Variants in EVA1C observed in about 807,000 individuals in gnomAD.
EVA1C encodes the protein protein eva-1 homolog C.
EVA1C carries 25 observed loss-of-function variants against 45.4 expected under a neutral mutation model. The ratio of observed to expected loss-of-function variants is 0.55; its 90% CI spans 0.40 to 0.77. EVA1C has a LOEUF of 0.77. Among genes scored for constraint, EVA1C ranks in the 30% least tolerant of loss-of-function variants. The pLI is 0.00. For synonymous variants in EVA1C, 190 were observed against 221.2 expected (o/e 0.86, Z 1.25); for missense variants, 479 against 554.8 (o/e 0.86, Z 1.37).
chr21:32,513,491 A>G (rs1293377453), intron 7 of EVA1C, among the ~76,000 whole-genome samples: 1 of 141,808 alleles, frequency 7.1e-6, no homozygotes, highest in Non-Finnish European at 1.5e-5. Flanking sequence ...TACTTATTAT[A>G]TTATTAATAT....
intron 1 of EVA1C, among the ~76,000 whole-genome samples, chr21:32,442,893 G>A (rs571701525): frequency 6.6e-6 from 1 of 150,852 alleles, no homozygotes; most frequent in African/African-American, 2.4e-5. Context: ...CTTCAGAAAA[G>A]AAAGAGAGGA....
At chr21:32,495,252 T>C in intron 5 of EVA1C, 82 bp downstream of exon 5, 1 of 1,490,958 alleles carries the variant, frequency 6.7e-7, no homozygotes, top group Non-Finnish European at 9.2e-7. Flanking sequence ...GGCAGGAGTT[T>C]GCCCAGAACA....
At chr21:32,443,954 T>C (rs1437517186) in intron 1 of EVA1C, among the ~76,000 whole-genome samples, 2 of 151,956 alleles carry the variant, frequency 1.3e-5, no homozygotes, top group Admixed American at 1.3e-4. Context: ...CAAAGGTCTC[T>C]TATCCTCCAT....
At chr21:32,463,789 GA>G (rs11305869) in intron 3 of EVA1C, among the ~76,000 whole-genome samples, 58,868 of 148,888 alleles carry the variant, frequency 0.4, 12,008 homozygotes, top group East Asian at 0.49. Context: ...TATAAAAAAA[GA>G]AAAAAAAAAG....
At chr21:32,490,240 C>T (rs1055024960) in intron 4 of EVA1C, among the ~76,000 whole-genome samples, 3 of 152,124 alleles carry the variant, frequency 2.0e-5, no homozygotes, top group African/African-American at 7.2e-5. Context: ...ATTGCTCCCT[C>T]CCTTAGCTCC....
In EVA1C at chr21:32,498,440, A is replaced by G. The variant is rs1257380656; in HGVS notation, c.779-2975A>G. ...GGTGACAAGGGTGAAACTCTGTCTCAAAAAAAAAAAAAAAAAAGAGACATG... is the reference window on the plus strand; with the variant it reads ...GGTGACAAGGGTGAAACTCTGTCTCGAAAAAAAAAAAAAAAAAGAGACATG... On this transcript the variant is annotated intron_variant, in intron 5 of 7. Coordinates refer to ENST00000300255, the MANE Select transcript of EVA1C (RefSeq NM_058187.5). Among the ~76,000 whole-genome samples the G allele has an allele frequency of 2.8e-3, 273 of 95,812 alleles. 1 individual carries two copies. The highest frequency in any genetic ancestry group is 0.012 in the African/African-American group (250 of 21,302). 62.9% of individuals were successfully genotyped at this position (95,812 alleles called of 152,430 possible).
upstream of EVA1C, chr21:32,412,223 C>G (rs1193660908): frequency 6.6e-6 from 1 of 152,280 alleles, no homozygotes; most frequent in Non-Finnish European, 1.5e-5. Flanking sequence ...ACGTGGCGCG[C>G]GGCGGGTGGC....
At chr21:32,484,683 T>C (rs2036910934) in intron 4 of EVA1C, among the ~76,000 whole-genome samples, 1 of 152,192 alleles carries the variant, frequency 6.6e-6, no homozygotes, top group Admixed American at 6.5e-5. Flanking sequence ...CTTCTTTCTC[T>C]GGCCCCTTTT....
At chr21:32,486,057 T>C (rs941256532) in intron 4 of EVA1C, among the ~76,000 whole-genome samples, 2 of 152,236 alleles carry the variant, frequency 1.3e-5, no homozygotes, top group Admixed American at 1.3e-4. Flanking sequence ...CAGCATTGTT[T>C]GAACCAATCG....
chr21:32,413,019 A>T lies in EVA1C; in HGVS notation c.160+6A>T. The T allele has an allele frequency of 7.1e-7, 1 of 1,404,858 alleles. No homozygotes were observed. The highest frequency in any genetic ancestry group is 1.7e-5 in the South Asian group (1 of 59,300). The allele number at this position is 1,404,858 out of a possible 1,614,324, so 87.0% of individuals were successfully genotyped here. On this transcript the variant is annotated splice_donor_region_variant and intron_variant, in intron 1 of 7. Coordinates refer to ENST00000300255, the MANE Select transcript of EVA1C (RefSeq NM_058187.5). Reference sequence around the variant, plus strand: ...AGCGCTCACCGACTTCTCTGGTAAGAGCGCCCTCCCTGGCTGTGTGCCCCC... The same window carrying T: ...AGCGCTCACCGACTTCTCTGGTAAGTGCGCCCTCCCTGGCTGTGTGCCCCC...
At chr21:32,507,555 CGT>C (rs1555876144) in intron 7 of EVA1C, among the ~76,000 whole-genome samples, 3 of 148,004 alleles carry the variant, frequency 2.0e-5, no homozygotes, top group Non-Finnish European at 4.5e-5. Flanking sequence ...TGTATGTATG[CGT>C]GTTTTTGTGT....
chr21:32,483,874 T>C (rs1380194921), intron 4 of EVA1C, among the ~76,000 whole-genome samples: 1 of 151,986 alleles, frequency 6.6e-6, no homozygotes, highest in African/African-American at 2.4e-5. Flanking sequence ...TAAGACGAGA[T>C]CAGGTGCATT....
At chr21:32,492,709 G>T (rs200350462) in intron 4 of EVA1C, among the ~76,000 whole-genome samples, 21 of 147,822 alleles carry the variant, frequency 1.4e-4, no homozygotes, top group African/African-American at 4.8e-4. Flanking sequence ...GTTTTCTTTT[G>T]TTTTTTTTTT....
chr21:32,472,966 A>G (rs2036430338), intron 4 of EVA1C, among the ~76,000 whole-genome samples: 2 of 152,224 alleles, frequency 1.3e-5, no homozygotes. Context: ...GCCATAGCCA[A>G]AATGCCAGAG....
intron 1 of EVA1C, among the ~76,000 whole-genome samples, chr21:32,416,069 G>A (rs1687550655): frequency 1.3e-5 from 2 of 152,206 alleles, no homozygotes; most frequent in African/African-American, 4.8e-5. Context: ...TTGAGGATGA[G>A]TGCTGAGAGG....
At chr21:32,490,581 T>C (rs185227517) in intron 4 of EVA1C, among the ~76,000 whole-genome samples, 135 of 152,320 alleles carry the variant, frequency 8.9e-4, no homozygotes, top group African/African-American at 3.1e-3. Flanking sequence ...ATCCTATGTA[T>C]ATACCACATT....
chr21:32,416,222 GTGTGTGCTTC>G (rs1293369898), intron 1 of EVA1C, among the ~76,000 whole-genome samples: 270 of 151,902 alleles, frequency 1.8e-3, no homozygotes, highest in Middle Eastern at 3.4e-3. Flanking sequence ...GTGTGTGTGT[GTGTGTGCTTC>G]TAATTTGTGT....
At chr21:32,498,970 GA>G (rs2037442690) in intron 5 of EVA1C, among the ~76,000 whole-genome samples, 1 of 152,198 alleles carries the variant, frequency 6.6e-6, no homozygotes, top group Non-Finnish European at 1.5e-5. Context: ...GGTCCTAAAA[GA>G]TTCTCCAGAT....
rs367632583 is a variant in EVA1C, at chr21:32,467,661, GC to G, written c.482-34del. On this transcript the variant is annotated intron_variant, in intron 3 of 7. Transcript: ENST00000300255. ...AGCTCACCAATTCCTTCTGGGGGAAGCTGATGGTGCCTTCAATTTTTGTTTT... is the reference window on the plus strand; with the variant it reads ...AGCTCACCAATTCCTTCTGGGGGAAGTGATGGTGCCTTCAATTTTTGTTTT... The G allele has an allele frequency of 7.6e-3, 12,046 of 1,580,544 alleles. 78 individuals are homozygous for G. Among genetic ancestry groups the G allele is most frequent in the Non-Finnish European group, 9.6e-3 (11,184 of 1,165,394 alleles).
Sources: allele counts gnomAD v4.1 joint callset (sites outside exome capture counted in the v4.1 genomes callset), GRCh38; gene constraint gnomAD v4.1.1; transcripts MANE v1.5; gene names NCBI Gene and HGNC (gene_info 2026-07-23, HGNC 2026-07-21).